Variants in PTPRT observed in about 807,000 individuals in gnomAD.
The protein encoded by PTPRT is protein tyrosine phosphatase receptor type T.
In PTPRT, 56 loss-of-function variants were observed where a neutral mutation model predicts 176.8. That is an observed-to-expected ratio of 0.32 (90% CI 0.26 to 0.40). The LOEUF is 0.40. PTPRT is among the 10% of genes least tolerant of loss of function. The probability of loss-of-function intolerance (pLI) is 1.00; values close to 1 mark genes in which losing one functional copy is unlikely to be tolerated. For synonymous variants in PTPRT, 783 were observed against 739.0 expected, an observed-to-expected ratio of 1.06 and a Z score of -0.96; for missense variants, 1,540 against 1,908.2, an observed-to-expected ratio of 0.81 and a Z score of 3.60.
chr20:42,469,072 T>C (rs1356678133), intron 8 of PTPRT, among the ~76,000 whole-genome samples: 1 of 152,136 alleles, frequency 6.6e-6, no homozygotes, highest in African/African-American at 2.4e-5. Flanking sequence ...CCTTTGTGAA[T>C]ACCTTTTTGT....
chr20:42,789,339 C>T (rs1031387507), intron 3 of PTPRT, among the ~76,000 whole-genome samples: 1 of 152,124 alleles, frequency 6.6e-6, no homozygotes, highest in Non-Finnish European at 1.5e-5. Flanking sequence ...GGCTACTAAA[C>T]GTTTATAAAT....
intron 5 of PTPRT, among the ~76,000 whole-genome samples, chr20:42,762,230 T>C (rs962547270): frequency 1.3e-5 from 2 of 152,176 alleles, no homozygotes; most frequent in African/African-American, 4.8e-5. Flanking sequence ...TGAGGTTTCC[T>C]TATCCCCACT....
chr20:42,214,335 G>A (rs2055717164), intron 15 of PTPRT, among the ~76,000 whole-genome samples: 1 of 152,136 alleles, frequency 6.6e-6, no homozygotes, highest in African/African-American at 2.4e-5. Context: ...GCTGCGGCCA[G>A]AAAACTCACT....
At chr20:42,584,195 A>C (rs2073430067) in intron 7 of PTPRT, among the ~76,000 whole-genome samples, 1 of 152,322 alleles carries the variant, frequency 6.6e-6, no homozygotes, top group Middle Eastern at 3.4e-3. Context: ...AAATCATGAG[A>C]TATTAAATAA....
At chr20:42,069,658 A>G (rs1341290393), downstream of PTPRT, among the ~76,000 whole-genome samples, 1 of 152,252 alleles carries the variant, frequency 6.6e-6, no homozygotes, top group Non-Finnish European at 1.5e-5. Flanking sequence ...GATGAAAGAT[A>G]ACCACTGTTA....
intron 7 of PTPRT, among the ~76,000 whole-genome samples, chr20:42,536,192 T>C (rs1216292826): frequency 6.6e-6 from 1 of 152,130 alleles, no homozygotes; most frequent in Non-Finnish European, 1.5e-5. Context: ...CAGCTTCCCA[T>C]GTGCCAGGAA....
intron 7 of PTPRT, among the ~76,000 whole-genome samples, chr20:42,614,275 A>G (rs1412322653): frequency 6.6e-6 from 1 of 152,034 alleles, no homozygotes; most frequent in Non-Finnish European, 1.5e-5. Flanking sequence ...ATGGATTTGA[A>G]CACCCCCAAC....
intron 1 of PTPRT, among the ~76,000 whole-genome samples, chr20:42,980,544 A>C (rs1450256494): frequency 6.6e-6 from 1 of 152,242 alleles, no homozygotes; most frequent in Non-Finnish European, 1.5e-5. Flanking sequence ...CAAATTCTTC[A>C]GAAACTGCCT....
At chr20:42,576,224 C>A (rs934226899) in intron 7 of PTPRT, among the ~76,000 whole-genome samples, 9 of 152,272 alleles carry the variant, frequency 5.9e-5, no homozygotes, top group Admixed American at 3.3e-4. Context: ...CCTTCCCTCT[C>A]CTCATTTTGA....
At chr20:42,372,668 C>T (rs376873240) in intron 9 of PTPRT, among the ~76,000 whole-genome samples, 2 of 152,080 alleles carry the variant, frequency 1.3e-5, no homozygotes, top group Non-Finnish European at 2.9e-5. Flanking sequence ...CAAATTCATA[C>T]GTTGAAACCT....
chr20:42,454,038 G>A (rs1378609771), intron 8 of PTPRT, among the ~76,000 whole-genome samples: 1 of 151,794 alleles, frequency 6.6e-6, no homozygotes, highest in Non-Finnish European at 1.5e-5. Flanking sequence ...TTTATTCGGA[G>A]TTCTAAATAT....
chr20:42,177,353 C>A (rs754768993), intron 16 of PTPRT, among the ~76,000 whole-genome samples: 4 of 152,202 alleles, frequency 2.6e-5, no homozygotes, highest in African/African-American at 9.7e-5. Flanking sequence ...AAAAAGCAAA[C>A]ATTATTCTTT....
intron 15 of PTPRT, among the ~76,000 whole-genome samples, chr20:42,208,541 C>T (rs2055533240): frequency 6.6e-6 from 1 of 151,894 alleles, no homozygotes. Context: ...TCAAAAGAGA[C>T]AAAGAAGGCC....
chr20:42,155,772 G>A (rs1410104441), intron 17 of PTPRT, among the ~76,000 whole-genome samples: 5 of 152,028 alleles, frequency 3.3e-5, no homozygotes, highest in African/African-American at 9.7e-5. Context: ...TGGGCTCTGG[G>A]CCCAGTCTCC....
Position 43,189,640 on chromosome 20 carries a change from A to G in PTPRT, c.88+6T>C, listed in dbSNP as rs1319164636. 3 of 1,255,072 alleles carry G rather than the reference A, an allele frequency of 2.4e-6. No homozygotes were observed. The highest frequency in any genetic ancestry group is 2.8e-5 in the South Asian group (1 of 35,316). The allele number at this position is 1,255,072 out of a possible 1,614,324, so 77.7% of individuals were successfully genotyped here. On this transcript the variant is annotated splice_donor_region_variant and intron_variant, in intron 1 of 30. Coordinates refer to ENST00000373187, the MANE Select transcript of PTPRT (RefSeq NM_007050.6). This position sits in a 1 kb window ranked among gnomAD's most constrained non-coding sequence, Gnocchi z 5.0. ...GAGCCCAGGGGAGCCGGGCGGGCGC[A>G]CTCACCTGCGGCGCTCTGAGCCCGG...
chr20:42,161,784 A>T (rs1989612798), intron 16 of PTPRT, among the ~76,000 whole-genome samples: 1 of 152,150 alleles, frequency 6.6e-6, no homozygotes, highest in Admixed American at 6.5e-5. Context: ...CAGACTGATA[A>T]AGTTCCAGGT....
intron 6 of PTPRT, among the ~76,000 whole-genome samples, chr20:42,704,422 G>A (rs3092774): frequency 0.027 from 3,837 of 143,944 alleles, 178 homozygotes; most frequent in African/African-American, 0.089. Flanking sequence ...GCTGGAAGGC[G>A]TTGATATCCA....
intron 2 of PTPRT, among the ~76,000 whole-genome samples, chr20:42,834,573 G>A (rs910926844): frequency 6.6e-6 from 1 of 152,002 alleles, no homozygotes; most frequent in African/African-American, 2.4e-5. Flanking sequence ...CATTTACAGT[G>A]GATTTATTCA....
chr20:43,089,442 A>G (rs985841008), intron 1 of PTPRT, among the ~76,000 whole-genome samples: 2 of 152,266 alleles, frequency 1.3e-5, no homozygotes, highest in African/African-American at 4.8e-5. Context: ...GTTTCAAATC[A>G]TGACTGCAAA....
Sources: gnomAD v4.1 joint callset for allele counts (sites outside exome capture counted in the v4.1 genomes callset) on GRCh38, gnomAD v4.1.1 for gene constraint, Gnocchi (gnomAD v3.1) non-coding constraint, MANE v1.5 for transcripts, NCBI Gene and HGNC (gene_info 2026-07-23, HGNC 2026-07-21) for gene names.